The following NRXN3 variants were observed in gnomAD, a reference collection of about 807,000 sequenced individuals.
NRXN3 encodes neurexin 3.
A neutral mutation model predicts 137.6 loss-of-function variants in NRXN3; 32 were observed. The observed-to-expected ratio is 0.23, with a 90% CI of 0.18 to 0.31. The LOEUF (loss-of-function observed/expected upper bound fraction) is 0.31, where lower values mean the gene tolerates loss of function less well. Ranked by LOEUF, NRXN3 falls within the 10% of genes least tolerant of loss-of-function variation. The probability of loss-of-function intolerance (pLI) is 1.00; values close to 1 mark genes in which losing one functional copy is unlikely to be tolerated. For synonymous variants in NRXN3, 798 were observed against 784.5 expected, an observed-to-expected ratio of 1.02 and a Z score of -0.29; for missense variants, 1,574 against 2,062.5, an observed-to-expected ratio of 0.76 and a Z score of 4.59.
intron 15 of NRXN3, among the ~76,000 whole-genome samples, chr14:79,185,238 A>G (rs1365852059): frequency 6.6e-6 from 1 of 152,176 alleles, no homozygotes; most frequent in Non-Finnish European, 1.5e-5. Flanking sequence ...CTCACTTAAA[A>G]TGAAGGGAAG....
At chr14:78,431,091 A>C (rs944246236) in intron 4 of NRXN3, among the ~76,000 whole-genome samples, 1 of 152,154 alleles carries the variant, frequency 6.6e-6, no homozygotes, top group African/African-American at 2.4e-5. Context: ...AATCCACCTT[A>C]AGTACTGATT....
chr14:79,805,058 T>G, intron 19 of NRXN3, 54 bp from the exon 20 acceptor site: 2 of 1,236,030 alleles, frequency 1.6e-6, no homozygotes, highest in Non-Finnish European at 2.4e-6. Context: ...TTTCCTTATC[T>G]CTCTCTCTTC....
At chr14:78,538,747 G>C in intron 4 of NRXN3, among the ~76,000 whole-genome samples, 1 of 152,108 alleles carries the variant, frequency 6.6e-6, no homozygotes, top group Non-Finnish European at 1.5e-5. Flanking sequence ...ATTGGCTGTG[G>C]GTTTGTCATA....
chr14:78,423,714 A>G (rs1209476873), intron 4 of NRXN3, among the ~76,000 whole-genome samples: 3 of 152,236 alleles, frequency 2.0e-5, no homozygotes, highest in African/African-American at 4.8e-5. Flanking sequence ...CTGTCTCCAC[A>G]TGTGCTAGAA....
intron 19 of NRXN3, among the ~76,000 whole-genome samples, chr14:79,736,930 G>A (rs1370372079): frequency 6.6e-6 from 1 of 152,182 alleles, no homozygotes; most frequent in Non-Finnish European, 1.5e-5. Flanking sequence ...TCTACTGGAA[G>A]TCACCAACAT....
At chr14:78,727,470 C>G (rs556905498) in intron 8 of NRXN3, among the ~76,000 whole-genome samples, 1 of 152,102 alleles carries the variant, frequency 6.6e-6, no homozygotes, top group East Asian at 1.9e-4. Flanking sequence ...GGGCCAGGCA[C>G]GGTGGCTCAC....
chr14:78,808,648 G>A (rs2098891950), intron 9 of NRXN3, among the ~76,000 whole-genome samples: 1 of 151,942 alleles, frequency 6.6e-6, no homozygotes, highest in Admixed American at 6.6e-5. Context: ...TTTCTGTTGC[G>A]GTTGACGACA....
intron 15 of NRXN3, among the ~76,000 whole-genome samples, chr14:79,399,610 C>T (rs559671406): frequency 9.9e-5 from 15 of 152,084 alleles, no homozygotes; most frequent in Non-Finnish European, 1.9e-4. Flanking sequence ...TGAGTATAAA[C>T]TCAAGAACTA....
intron 10 of NRXN3, among the ~76,000 whole-genome samples, chr14:78,888,848 T>TACACACACACACACACACACACACACAC (rs59053009): frequency 6.8e-5 from 10 of 146,420 alleles, no homozygotes; most frequent in East Asian, 2.0e-4. Flanking sequence ...ATCACACACA[T>TACACACACACACACACACACACACACAC]ACACACACAC....
chr14:79,434,508 T>G (rs1221455431), intron 15 of NRXN3, among the ~76,000 whole-genome samples: 1 of 152,332 alleles, frequency 6.6e-6, no homozygotes, highest in Non-Finnish European at 1.5e-5. Context: ...GGAAATGCTA[T>G]TAGGCATTCA....
intron 10 of NRXN3, among the ~76,000 whole-genome samples, chr14:78,929,320 A>C (rs1597504605): frequency 6.6e-6 from 1 of 151,982 alleles, no homozygotes; most frequent in African/African-American, 2.4e-5. Context: ...TAAGCCTAGT[A>C]CCCATTAGTT....
chr14:79,188,751 GA>G (rs2063843286), intron 15 of NRXN3, among the ~76,000 whole-genome samples: 1 of 152,174 alleles, frequency 6.6e-6, no homozygotes, highest in Non-Finnish European at 1.5e-5. Flanking sequence ...CTTCTCAAAA[GA>G]AGACATTTAT....
intron 16 of NRXN3, among the ~76,000 whole-genome samples, chr14:79,651,733 C>A (rs2098477058): frequency 1.3e-5 from 2 of 152,112 alleles, no homozygotes; most frequent in Non-Finnish European, 2.9e-5. Flanking sequence ...GAAAGCTGGA[C>A]CTTCTGCAGA....
At chr14:78,432,713 C>T (rs898041963) in intron 4 of NRXN3, among the ~76,000 whole-genome samples, 1 of 152,188 alleles carries the variant, frequency 6.6e-6, no homozygotes, top group Non-Finnish European at 1.5e-5. Flanking sequence ...ACCTTCAACT[C>T]CAAGTCTCTT....
At chr14:78,928,453 C>T (rs1235055064) in intron 10 of NRXN3, among the ~76,000 whole-genome samples, 3 of 152,116 alleles carry the variant, frequency 2.0e-5, no homozygotes, top group Non-Finnish European at 4.4e-5. Context: ...CTCCCCCTTA[C>T]TCCCACCCCA....
intron 15 of NRXN3, among the ~76,000 whole-genome samples, chr14:79,460,066 C>T (rs1303590108): frequency 6.6e-6 from 1 of 152,084 alleles, no homozygotes; most frequent in African/African-American, 2.4e-5. Flanking sequence ...CTAAGACTTA[C>T]TTACAAAGGG....
chr14:78,733,477 C>A (rs1428587776), intron 8 of NRXN3, among the ~76,000 whole-genome samples: 4 of 152,154 alleles, frequency 2.6e-5, no homozygotes, highest in Non-Finnish European at 4.4e-5. Flanking sequence ...ATGCGACCAT[C>A]CAAGCAAAGT....
At chr14:78,776,704 T>C (rs896186766) in intron 8 of NRXN3, among the ~76,000 whole-genome samples, 1 of 152,200 alleles carries the variant, frequency 6.6e-6, no homozygotes, top group Admixed American at 6.5e-5. Context: ...ACCTGTTTCA[T>C]AAAGGACTTT....
At chr14:78,942,732 C>G (rs533858339) in intron 10 of NRXN3, among the ~76,000 whole-genome samples, 2 of 152,038 alleles carry the variant, frequency 1.3e-5, no homozygotes, top group Admixed American at 1.3e-4. Flanking sequence ...CAACAATATA[C>G]AGTTTCAAAC....
Sources: gnomAD v4.1 joint callset for allele counts (sites outside exome capture counted in the v4.1 genomes callset) on GRCh38, gnomAD v4.1.1 for gene constraint, MANE v1.5 for transcripts, NCBI Gene and HGNC (gene_info 2026-07-23, HGNC 2026-07-21) for gene names.